Variants in SLC9A9 observed in about 807,000 individuals in gnomAD.
SLC9A9 encodes the protein sodium/hydrogen exchanger 9.
In SLC9A9, 62 loss-of-function variants were observed where a neutral mutation model predicts 77.8. That is an observed-to-expected ratio of 0.80 (90% CI 0.65 to 0.98). The LOEUF (loss-of-function observed/expected upper bound fraction) is 0.98, where lower values mean the gene tolerates loss of function less well. Ranked by LOEUF, SLC9A9 falls within the 50% of genes least tolerant of loss-of-function variation. The pLI is 0.00. For synonymous variants in SLC9A9, 320 were observed against 283.5 expected (o/e 1.13, Z -1.29); for missense variants, 775 against 774.9 (o/e 1.00, Z 0.00).
chr3:143,359,645 T>C (rs1322133989), intron 14 of SLC9A9, among the ~76,000 whole-genome samples: 1 of 152,168 alleles, frequency 6.6e-6, no homozygotes, highest in Non-Finnish European at 1.5e-5. Context: ...AGACTGTGAC[T>C]TGAGCCTTCT....
chr3:143,784,524 ATTT>A (rs10715558), intron 4 of SLC9A9, among the ~76,000 whole-genome samples: 1 of 139,086 alleles, frequency 7.2e-6, no homozygotes, highest in Non-Finnish European at 1.6e-5. Context: ...AAAATTTGTA[ATTT>A]TTTTTTTTTT....
At chr3:143,285,230 C>T (rs1471079228) in intron 14 of SLC9A9, among the ~76,000 whole-genome samples, 1 of 152,176 alleles carries the variant, frequency 6.6e-6, no homozygotes, top group Non-Finnish European at 1.5e-5. Context: ...CTAGCCCTCT[C>T]CTAGCCCCCC....
At chr3:143,577,933 G>T (rs2037388763) in intron 7 of SLC9A9, among the ~76,000 whole-genome samples, 1 of 152,146 alleles carries the variant, frequency 6.6e-6, no homozygotes, top group East Asian at 1.9e-4. Context: ...AATGTTCTAA[G>T]TGAGCAGCCC....
intron 4 of SLC9A9, among the ~76,000 whole-genome samples, chr3:143,757,142 A>T (rs2108829198): frequency 6.6e-6 from 1 of 152,218 alleles, no homozygotes; most frequent in Middle Eastern, 3.4e-3. Context: ...ATGATCCATA[A>T]AGCCAAACAA....
At chr3:143,576,953 T>A (rs966372374) in intron 7 of SLC9A9, among the ~76,000 whole-genome samples, 1 of 152,172 alleles carries the variant, frequency 6.6e-6, no homozygotes, top group Non-Finnish European at 1.5e-5. Context: ...TCTCCTTTTC[T>A]TTATCTCCAA....
chr3:143,294,444 A>T (rs1034446442), intron 14 of SLC9A9, among the ~76,000 whole-genome samples: 3 of 152,250 alleles, frequency 2.0e-5, no homozygotes, highest in African/African-American at 7.2e-5. Context: ...TACGTATGCA[A>T]CAAGGCAGCA....
At chr3:143,690,644 T>C (rs373386808) in intron 5 of SLC9A9, among the ~76,000 whole-genome samples, 22 of 152,242 alleles carry the variant, frequency 1.4e-4, no homozygotes, top group Admixed American at 3.9e-4. Context: ...TGAAAAAATA[T>C]AATGACAACA....
intron 14 of SLC9A9, among the ~76,000 whole-genome samples, chr3:143,274,029 A>C (rs146677369): frequency 4.7e-4 from 72 of 152,288 alleles, no homozygotes; most frequent in African/African-American, 1.7e-3. Context: ...CAGTTGTTGC[A>C]TCTTGTCTAA....
chr3:143,795,281 G>GAAAAAAAAAAAA (rs776525691), intron 3 of SLC9A9, among the ~76,000 whole-genome samples: 2 of 72,174 alleles, frequency 2.8e-5, no homozygotes, highest in Non-Finnish European at 2.9e-5. Flanking sequence ...TCAAGAAGCA[G>GAAAAAAAAAAAA]AAAAAAAAAA....
At chr3:143,770,280 G>A (rs73011415) in intron 4 of SLC9A9, among the ~76,000 whole-genome samples, 2,738 of 151,986 alleles carry the variant, frequency 0.018, 74 homozygotes, top group African/African-American at 0.063. Flanking sequence ...TATTCCTATC[G>A]ATATTAAAAC....
rs775459227 is a variant in SLC9A9 at position 143,266,979 on chromosome 3, C to T, written c.1711-50G>A. On this transcript the variant is annotated intron_variant, in intron 15 of 15. Transcript: ENST00000316549. ...GTCACTTCATGATGAAGGCAGAAAA[C>T]AATAGCAGTCCTACAATTTTTTTTT... 1.6e-5 allele frequency: 24 copies of T among 1,495,040 alleles called. No homozygotes were observed. The Admixed American group carries it at 4.0e-4, about 25-fold the overall frequency. The allele number at this position is 1,495,040 out of a possible 1,614,324, so 92.6% of individuals were successfully genotyped here. A position where few individuals can be genotyped will look rare whatever the true frequency, so the allele number is the denominator to read the frequency against.
intron 4 of SLC9A9, among the ~76,000 whole-genome samples, chr3:143,765,907 T>G (rs115572602): frequency 2.1e-3 from 324 of 152,314 alleles, no homozygotes; most frequent in Non-Finnish European, 3.6e-3. Context: ...TTTTTGCTGT[T>G]TCTGTCACAT....
intron 4 of SLC9A9, among the ~76,000 whole-genome samples, chr3:143,790,615 C>T (rs2008190531): frequency 6.6e-6 from 1 of 152,154 alleles, no homozygotes; most frequent in African/African-American, 2.4e-5. Context: ...GTCAGACTGG[C>T]TCTGAGTTTA....
intron 1 of SLC9A9, among the ~76,000 whole-genome samples, chr3:143,840,354 T>G (rs1231868643): frequency 6.6e-6 from 1 of 152,238 alleles, no homozygotes; most frequent in South Asian, 2.1e-4. Context: ...AGTTAATGGT[T>G]CTACCTTCAG....
intron 4 of SLC9A9, among the ~76,000 whole-genome samples, chr3:143,738,990 C>T (rs1233195026): frequency 6.6e-6 from 1 of 152,020 alleles, no homozygotes. Context: ...ATGGAGTCTC[C>T]AAGTCATAGG....
chr3:143,347,403 C>T (rs2032317542), intron 14 of SLC9A9, among the ~76,000 whole-genome samples: 1 of 152,062 alleles, frequency 6.6e-6, no homozygotes, highest in African/African-American at 2.4e-5. Context: ...GAAGATAACC[C>T]AAAGGAAACA....
At chr3:143,557,938 A>G (rs1214092858) in intron 8 of SLC9A9, among the ~76,000 whole-genome samples, 1 of 152,244 alleles carries the variant, frequency 6.6e-6, no homozygotes, top group Non-Finnish European at 1.5e-5. Flanking sequence ...AATGTTAATC[A>G]CCAAAACAAT....
intron 5 of SLC9A9, among the ~76,000 whole-genome samples, chr3:143,682,157 C>T (rs377440605): frequency 1.3e-5 from 2 of 152,164 alleles, no homozygotes; most frequent in Admixed American, 1.3e-4. Context: ...GAACCAACTC[C>T]TCTTTGCCTT....
Position 143,795,060 on chromosome 3 carries a change from G to A in SLC9A9, c.474C>T (p.Asn158=), listed in dbSNP as rs769018686. 1 of 1,613,290 alleles carries A rather than the reference G, an allele frequency of 6.2e-7. No homozygotes were observed. The highest frequency in any genetic ancestry group is 8.5e-7 in the Non-Finnish European group (1 of 1,179,730). ...AGGCATACGTTAAAATAGATCCTAA[G>A]TTTTGAAAAAAGTGTCTCTGGGGAG... ...YSLKKRHFFQ[N]LGSILTYAFL... Residue 158 remains asparagine (N), a synonymous_variant, in exon 4 of 16, where the codon AAC becomes AAT. Transcript: ENST00000316549.
Sources: allele counts gnomAD v4.1 joint callset (sites outside exome capture counted in the v4.1 genomes callset), GRCh38; gene constraint gnomAD v4.1.1; transcripts MANE v1.5; gene names NCBI Gene and HGNC (gene_info 2026-07-23, HGNC 2026-07-21).